Variants in KIAA0825 observed in about 807,000 individuals in gnomAD.
KIAA0825 encodes the protein KIAA0825.
In KIAA0825, 119 loss-of-function variants were observed where a neutral mutation model predicts 147.6. The observed-to-expected ratio is 0.81, with a 90% CI of 0.69 to 0.94. KIAA0825 has a LOEUF of 0.94. Ranked by LOEUF, KIAA0825 falls within the 40% of genes least tolerant of loss-of-function variation. KIAA0825 has a pLI of 0.00. For synonymous variants in KIAA0825, 470 were observed against 518.1 expected (o/e 0.91, Z 1.26); for missense variants, 1,381 against 1,472.7 (o/e 0.94, Z 1.02).
chr5:94,205,299 A>ATATATATT (rs1254935243), intron 20 of KIAA0825, among the ~76,000 whole-genome samples: 5 of 137,902 alleles, frequency 3.6e-5, no homozygotes, highest in East Asian at 2.1e-4. Flanking sequence ...ATATATATAT[A>ATATATATT]TTTTGTTTTG....
At chr5:94,405,119 C>G (rs74574031) in intron 15 of KIAA0825, among the ~76,000 whole-genome samples, 3,768 of 152,216 alleles carry the variant, frequency 0.025, 143 homozygotes, top group African/African-American at 0.087. Flanking sequence ...GTGCTTTAGG[C>G]TATGAGCAGC....
chr5:94,453,049 T>A lies in KIAA0825; in HGVS notation c.2267A>T (p.Asp756Val). The stretch of plus-strand genomic sequence containing the variant: ...TTTTAAGGAATCTGAAGCAGACTCA[T>A]CCAGGCCATGCTGAAAAGTCCTAGG... ...ELYKTFQHGL[D>V]ESASDSLKSF... The change falls in exon 13 of 21, where the codon GAT becomes GTT. Residue 756 changes from aspartate (D) to valine (V), a missense_variant. By Grantham distance (152) the Asp-to-Val change is radical. Transcript: ENST00000682413. 6.6e-7 allele frequency: 1 copy of A among 1,522,600 alleles called. No individual in the cohort carries two copies. Among genetic ancestry groups the A allele is most frequent in the Non-Finnish European group, 8.8e-7 (1 of 1,135,956 alleles). 94.3% of individuals were successfully genotyped at this position (1,522,600 alleles called of 1,614,324 possible).
chr5:94,155,348 G>C (rs951436679), intron 20 of KIAA0825, among the ~76,000 whole-genome samples: 1 of 151,160 alleles, frequency 6.6e-6, no homozygotes, highest in Non-Finnish European at 1.5e-5. Flanking sequence ...CTCCCAAGTA[G>C]CTGGGGCTAT....
intron 20 of KIAA0825, among the ~76,000 whole-genome samples, chr5:94,218,800 T>G (rs1773424887): frequency 6.6e-6 from 1 of 152,206 alleles, no homozygotes; most frequent in South Asian, 2.1e-4. Flanking sequence ...TGCTTCCAGA[T>G]CTCCATCAAA....
At chr5:94,536,455 T>G (rs547556402) in intron 3 of KIAA0825, among the ~76,000 whole-genome samples, 8 of 152,218 alleles carry the variant, frequency 5.3e-5, no homozygotes, top group Admixed American at 2.0e-4. Flanking sequence ...AACAGAGTCC[T>G]TTCTACCAAA....
intron 3 of KIAA0825, among the ~76,000 whole-genome samples, chr5:94,526,497 C>T (rs984673798): frequency 1.1e-4 from 16 of 151,886 alleles, no homozygotes; most frequent in African/African-American, 3.6e-4. Context: ...ATTTGAACCC[C>T]AATGTGCCTT....
intron 12 of KIAA0825, among the ~76,000 whole-genome samples, chr5:94,456,453 C>G (rs1352538379): frequency 6.6e-6 from 1 of 152,144 alleles, no homozygotes; most frequent in Non-Finnish European, 1.5e-5. Flanking sequence ...GGATTTAACT[C>G]TACCTCCAAT....
At chr5:94,264,854 C>G (rs1348240731) in intron 20 of KIAA0825, among the ~76,000 whole-genome samples, 1 of 150,516 alleles carries the variant, frequency 6.6e-6, no homozygotes, top group Non-Finnish European at 1.5e-5. Flanking sequence ...ATGACCTTAG[C>G]TCACTGCAAC....
chr5:94,178,107 A>G (rs1433326293), intron 20 of KIAA0825, among the ~76,000 whole-genome samples: 2 of 151,888 alleles, frequency 1.3e-5, no homozygotes, highest in African/African-American at 4.8e-5. Flanking sequence ...AGATTTTCCT[A>G]TCATCTCCTC....
rs1772124404 is a variant in KIAA0825 at position 94,536,846 on chromosome 5, A to G, written c.131+150T>C. 5.7e-6 allele frequency: 3 copies of G among 522,482 alleles called. No homozygotes were observed. The East Asian group carries it at 9.9e-5, about 17-fold the overall frequency. 32.4% of individuals were successfully genotyped at this position (522,482 alleles called of 1,614,324 possible). ...GATAAAGACAATCATGTAAACTTTA[A>G]GTGAGAGGGGGGTCTAATCAATATT... On this transcript the variant is annotated intron_variant, in intron 3 of 20. Coordinates refer to ENST00000682413, the MANE Select transcript of KIAA0825 (RefSeq NM_001145678.3).
chr5:94,241,602 T>C (rs1413421017), intron 20 of KIAA0825, among the ~76,000 whole-genome samples: 1 of 152,234 alleles, frequency 6.6e-6, no homozygotes, highest in Non-Finnish European at 1.5e-5. Flanking sequence ...AATCATCATC[T>C]TTTTTCTTTT....
At chr5:94,435,498 A>T (rs1029588701) in intron 14 of KIAA0825, among the ~76,000 whole-genome samples, 7 of 152,048 alleles carry the variant, frequency 4.6e-5, no homozygotes, top group African/African-American at 1.7e-4. Context: ...TATATGTACC[A>T]CATTTTCTTT....
chr5:94,450,997 A>G (rs776898565), intron 13 of KIAA0825, among the ~76,000 whole-genome samples: 2 of 152,162 alleles, frequency 1.3e-5, no homozygotes, highest in African/African-American at 2.4e-5. Flanking sequence ...GTTGCTGCCT[A>G]TACAGCACTT....
chr5:94,556,634 TTACAA>T (rs1168458509), intron 2 of KIAA0825, among the ~76,000 whole-genome samples: 2 of 152,226 alleles, frequency 1.3e-5, no homozygotes, highest in Non-Finnish European at 2.9e-5. Context: ...CATCTACCCA[TTACAA>T]TACGCTTTTA....
intron 4 of KIAA0825, among the ~76,000 whole-genome samples, chr5:94,523,285 TG>T (rs939303412): frequency 6.6e-6 from 1 of 151,638 alleles, no homozygotes; most frequent in Non-Finnish European, 1.5e-5. Context: ...GCTGCTTCTC[TG>T]GGAATCTGTT....
intron 20 of KIAA0825, among the ~76,000 whole-genome samples, chr5:94,241,560 T>C (rs1562330206): frequency 1.3e-5 from 2 of 152,254 alleles, no homozygotes; most frequent in Non-Finnish European, 2.9e-5. Flanking sequence ...TTCCATTCAC[T>C]TGATGATGAA....
intron 5 of KIAA0825, among the ~76,000 whole-genome samples, chr5:94,487,123 G>A (rs566876528): frequency 6.6e-6 from 1 of 152,208 alleles, no homozygotes; most frequent in African/African-American, 2.4e-5. Flanking sequence ...TAGATGAAAA[G>A]GTCTTACTTT....
chr5:94,191,018 A>T (rs1770633754), intron 20 of KIAA0825, among the ~76,000 whole-genome samples: 1 of 152,094 alleles, frequency 6.6e-6, no homozygotes, highest in African/African-American at 2.4e-5. Context: ...TAAATTTTTC[A>T]TGTTTATTGA....
At chr5:94,384,041 A>G (rs1266782938) in intron 20 of KIAA0825, among the ~76,000 whole-genome samples, 1 of 152,174 alleles carries the variant, frequency 6.6e-6, no homozygotes, top group Non-Finnish European at 1.5e-5. Flanking sequence ...TGGTCTTTAC[A>G]ATAGTGAACT....
Sources: allele counts gnomAD v4.1 joint callset (sites outside exome capture counted in the v4.1 genomes callset), GRCh38; gene constraint gnomAD v4.1.1; transcripts MANE v1.5; gene names NCBI Gene and HGNC (gene_info 2026-07-23, HGNC 2026-07-21).